ST8SIA2: variants seen among roughly 807,000 people sequenced by gnomAD.
ST8SIA2 encodes ST8 alpha-N-acetyl-neuraminide alpha-2,8-sialyltransferase 2.
ST8SIA2 carries 22 observed loss-of-function variants against 37.6 expected under a neutral mutation model. The ratio of observed to expected loss-of-function variants is 0.58; its 90% CI spans 0.42 to 0.83. The LOEUF (loss-of-function observed/expected upper bound fraction) is 0.83. Among genes scored for constraint, ST8SIA2 ranks in the 40% least tolerant of loss-of-function variants. The pLI, the probability that ST8SIA2 is intolerant of heterozygous loss-of-function variation, is 0.00. For missense variants in ST8SIA2, 382 were observed against 484.7 expected (o/e 0.79, Z 1.99); for synonymous variants, 205 against 201.2 (o/e 1.02, Z -0.16).
At chr15:92,451,711 C>T (rs544005677) in intron 5 of ST8SIA2, among the ~76,000 whole-genome samples, 24 of 152,204 alleles carry the variant, frequency 1.6e-4, no homozygotes, top group African/African-American at 4.6e-4. Context: ...GCTTACATGC[C>T]GCACGCCATG....
At chr15:92,394,831 G>A (rs1225537540) in intron 1 of ST8SIA2, among the ~76,000 whole-genome samples, 1 of 152,206 alleles carries the variant, frequency 6.6e-6, no homozygotes, top group African/African-American at 2.4e-5. Context: ...GGCAACCCCG[G>A]CGACCCTGGG....
Position 92,434,232 on chromosome 15 carries a change from T to G in ST8SIA2, c.162-15T>G. 1 of 1,614,018 alleles carries G rather than the reference T, an allele frequency of 6.2e-7. No individual in the cohort carries two copies. Among genetic ancestry groups the G allele is most frequent in the Non-Finnish European group, 8.5e-7 (1 of 1,180,014 alleles). Reference sequence around the variant, plus strand: ...CACATCATGTCTACCCTCTTTCTTTTTTTTTCCCTTCCAGAGCTGAAGTTG... The same window carrying G: ...CACATCATGTCTACCCTCTTTCTTTGTTTTTCCCTTCCAGAGCTGAAGTTG... On this transcript the variant is annotated splice_polypyrimidine_tract_variant and intron_variant, in intron 2 of 5. Coordinates refer to ENST00000268164, the MANE Select transcript of ST8SIA2 (RefSeq NM_006011.4).
At chr15:92,395,085 T>A (rs1293886751) in intron 1 of ST8SIA2, among the ~76,000 whole-genome samples, 1 of 151,998 alleles carries the variant, frequency 6.6e-6, no homozygotes, top group Non-Finnish European at 1.5e-5. Context: ...CCCGCAGCCT[T>A]CGGCTCGCCG....
chr15:92,461,273 G>A (rs745578538), intron 5 of ST8SIA2, among the ~76,000 whole-genome samples: 73 of 150,844 alleles, frequency 4.8e-4, no homozygotes, highest in African/African-American at 1.6e-3. Context: ...GTACCACCCC[G>A]CCCCAGCCCT....
chr15:92,418,654 A>C (rs1010519425), intron 1 of ST8SIA2, among the ~76,000 whole-genome samples: 1 of 152,144 alleles, frequency 6.6e-6, no homozygotes. Context: ...CATCACTCTT[A>C]CAGAGTGAAC....
At chr15:92,440,206 TCA>T (rs1304112650) in intron 4 of ST8SIA2, among the ~76,000 whole-genome samples, 1 of 152,216 alleles carries the variant, frequency 6.6e-6, no homozygotes, top group African/African-American at 2.4e-5. Context: ...TTTCTGGGCC[TCA>T]GTTTTATCAT....
rs974629145 is a variant in ST8SIA2, at chr15:92,466,372, C to T, written c.*1987C>T. ...TGAGGATCTCAAAGACCGTAGAAGACATTTAATTTCTAAAGCTTGAAGTGC... is the reference window on the plus strand; with the variant it reads ...TGAGGATCTCAAAGACCGTAGAAGATATTTAATTTCTAAAGCTTGAAGTGC... On this transcript the variant is annotated 3_prime_UTR_variant, in exon 6 of 6. Transcript: ENST00000268164. 1 of 152,204 alleles carries T rather than the reference C, an allele frequency of 6.6e-6. No homozygotes were observed. Among genetic ancestry groups the T allele is most frequent in the African/African-American group, 2.4e-5 (1 of 41,444 alleles). 9.4% of individuals were successfully genotyped at this position (152,204 alleles called of 1,614,324 possible).
intron 5 of ST8SIA2, among the ~76,000 whole-genome samples, chr15:92,462,055 G>C (rs1168893391): frequency 6.6e-6 from 1 of 152,144 alleles, no homozygotes; most frequent in Non-Finnish European, 1.5e-5. Context: ...TGCGAGGAAA[G>C]GGGTCTTCGA....
chr15:92,449,359 T>C (rs1328200109), intron 5 of ST8SIA2, among the ~76,000 whole-genome samples: 1 of 152,256 alleles, frequency 6.6e-6, no homozygotes, highest in Admixed American at 6.5e-5. Flanking sequence ...CATGCGTCCA[T>C]GATGTATTCC....
chr15:92,423,912 C>T (rs558613574), intron 1 of ST8SIA2, among the ~76,000 whole-genome samples: 3 of 152,332 alleles, frequency 2.0e-5, no homozygotes, highest in East Asian at 1.9e-4. Flanking sequence ...TAAAAGCCTT[C>T]GACCACTGTT....
At chr15:92,433,597 C>T (rs138807670) in intron 2 of ST8SIA2, among the ~76,000 whole-genome samples, 2 of 152,332 alleles carry the variant, frequency 1.3e-5, no homozygotes, top group East Asian at 3.9e-4. Flanking sequence ...GGATCGATTT[C>T]AACCTAAATT....
intron 2 of ST8SIA2, 133 bp from the exon 3 acceptor site, chr15:92,434,114 C>G: frequency 8.1e-7 from 1 of 1,240,794 alleles, no homozygotes. Flanking sequence ...TCCTTCTCTT[C>G]TCAGGTAATA....
At chr15:92,457,677 G>A (rs189459035) in intron 5 of ST8SIA2, among the ~76,000 whole-genome samples, 26 of 152,292 alleles carry the variant, frequency 1.7e-4, no homozygotes, top group Admixed American at 1.2e-3. Context: ...CCAGAGCAAC[G>A]GAGGAGAGAT....
chr15:92,441,342 G>T (rs887454507), intron 4 of ST8SIA2, among the ~76,000 whole-genome samples: 1 of 152,162 alleles, frequency 6.6e-6, no homozygotes, highest in Non-Finnish European at 1.5e-5. Context: ...GTGGTGAGGA[G>T]GAGGAAACAG....
chr15:92,454,319 C>G (rs886137150), intron 5 of ST8SIA2, among the ~76,000 whole-genome samples: 3 of 152,188 alleles, frequency 2.0e-5, no homozygotes, highest in East Asian at 1.9e-4. Context: ...CCAAATCCCC[C>G]CTCTTTGCAA....
At chr15:92,462,675 A>G (rs901049998) in intron 5 of ST8SIA2, among the ~76,000 whole-genome samples, 1 of 152,178 alleles carries the variant, frequency 6.6e-6, no homozygotes, top group African/African-American at 2.4e-5. Flanking sequence ...CCTTCACTTT[A>G]GTTAGGGAGG....
intron 5 of ST8SIA2, among the ~76,000 whole-genome samples, chr15:92,448,375 T>G (rs1055303960): frequency 6.6e-6 from 1 of 152,214 alleles, no homozygotes; most frequent in Non-Finnish European, 1.5e-5. Context: ...CTTGCCTTGG[T>G]GGGACCTTAC....
chr15:92,411,404 T>G (rs965263678), intron 1 of ST8SIA2, among the ~76,000 whole-genome samples: 1 of 151,754 alleles, frequency 6.6e-6, no homozygotes, highest in African/African-American at 2.4e-5. Flanking sequence ...TAGGAAGCCA[T>G]GGTTATGAAG....
intron 1 of ST8SIA2, among the ~76,000 whole-genome samples, chr15:92,429,043 C>T (rs2049696063): frequency 1.3e-5 from 2 of 152,072 alleles, no homozygotes; most frequent in Admixed American, 1.3e-4. Context: ...GCAATAACTC[C>T]CCCCGCAGTG....
Sources: allele counts gnomAD v4.1 joint callset (sites outside exome capture counted in the v4.1 genomes callset), GRCh38; gene constraint gnomAD v4.1.1; transcripts MANE v1.5; gene names NCBI Gene and HGNC (gene_info 2026-07-23, HGNC 2026-07-21).